DSC3: variants seen among roughly 807,000 people sequenced by gnomAD.
The protein encoded by DSC3 is desmocollin-3.
Under a neutral mutation model 89.5 loss-of-function variants are expected in DSC3, and 97 were observed. The ratio of observed to expected loss-of-function variants is 1.08; its 90% CI spans 0.92 to 1.28. The LOEUF (loss-of-function observed/expected upper bound fraction) is 1.28. Among genes scored for constraint, DSC3 ranks in the 50% most tolerant of loss-of-function variants. DSC3 has a pLI of 0.00. For missense variants in DSC3, 1,199 were observed against 1,085.3 expected (o/e 1.10, Z -1.47); for synonymous variants, 436 against 384.1 (o/e 1.14, Z -1.58).
At position 31,029,557 on chromosome 18, in the gene DSC3, G is replaced by A. The variant is rs1985711977; in HGVS notation, c.426C>T (p.Cys142=). The A allele has an allele frequency of 6.2e-7, 1 of 1,613,896 alleles. No individual in the cohort carries two copies. ...RAKRRWAPIP[C]SMQENSLGPF... ...GGCCCAAGGAATTCTCTTGCATAGA[G>A]CAAGGAATAGGTGCCCATCTCCTCT... is the stretch of plus-strand genomic sequence containing the variant. Residue 142 remains cysteine, a synonymous_variant, in exon 4 of 16, where the codon TGC becomes TGT. Transcript: ENST00000360428.
At position 30,996,884 on chromosome 18, in the gene DSC3, G is replaced by T. The variant is rs776031684; in HGVS notation, c.2400C>A (p.Thr800=). 1 of 1,613,764 alleles carries T rather than the reference G, an allele frequency of 6.2e-7. No homozygotes were observed. The highest frequency in any genetic ancestry group is 1.1e-5 in the South Asian group (1 of 91,042). ...TGTGTCCTCCCCTGCAGGAGTCCAGGGTATGATGATGCCCAGCCCCCCGGC... is the reference window on the plus strand; with the variant it reads ...TGTGTCCTCCCCTGCAGGAGTCCAGTGTATGATGATGCCCAGCCCCCCGGC... ...ESCRGAGHHH[T]LDSCRGGHTE... Residue 800 remains threonine (T), a synonymous_variant, in exon 15 of 16, where the codon ACC becomes ACA. Transcript: ENST00000360428.
In DSC3 at chr18:30,991,467, C is replaced by T. The variant is rs1048727407; in HGVS notation, c.*2708G>A. 1 of 152,240 alleles carries T rather than the reference C, an allele frequency of 6.6e-6. No homozygotes were observed. Among genetic ancestry groups the T allele is most frequent in the South Asian group, 2.1e-4 (1 of 4,830 alleles). 9.4% of individuals were successfully genotyped at this position (152,240 alleles called of 1,614,324 possible). A position where few individuals can be genotyped will look rare whatever the true frequency, so the allele number is the denominator to read the frequency against. On this transcript the variant is annotated 3_prime_UTR_variant, in exon 16 of 16. Coordinates refer to ENST00000360428, the MANE Select transcript of DSC3 (RefSeq NM_001941.5). ...ATTTGAGAGAAAAGAATTACAAATT[C>T]GGGCATACATGCAGACCAGGTGGTT...
At chr18:31,005,183 T>C (rs1429843138) in intron 12 of DSC3, among the ~76,000 whole-genome samples, 1 of 152,176 alleles carries the variant, frequency 6.6e-6, no homozygotes, top group Non-Finnish European at 1.5e-5. Context: ...ACCTGAAGGC[T>C]CCCTAGAGGA....
Position 31,032,200 on chromosome 18 carries a change from A to AGGG in DSC3, c.145_146insCCC (p.Ile49delinsThrLeu), listed in dbSNP as rs1985812681. 6.2e-7 allele frequency: 1 copy of AGGG among 1,612,338 alleles called. No homozygotes were observed. The highest frequency in any genetic ancestry group is 1.3e-5 in the African/African-American group (1 of 74,896). On this transcript the variant is annotated protein_altering_variant, in exon 2 of 16. Coordinates refer to ENST00000360428, the MANE Select transcript of DSC3 (RefSeq NM_001941.5). Reference sequence around the variant, plus strand: ...CTTTTAAAATTTCTCACCTCTGCCAATTATTTTGTCTGCCTCTAGTTTAGA... The same window carrying AGGG: ...CTTTTAAAATTTCTCACCTCTGCCAAGGGTTATTTTGTCTGCCTCTAGTTTAGA...
intron 13 of DSC3, among the ~76,000 whole-genome samples, chr18:31,002,309 C>A (rs1487859382): frequency 1.3e-5 from 2 of 152,118 alleles, no homozygotes; most frequent in African/African-American, 2.4e-5. Flanking sequence ...TTGGCAAAAT[C>A]CCCAAACCCA....
At chr18:31,035,361 T>G (rs1985936750) in intron 1 of DSC3, among the ~76,000 whole-genome samples, 1 of 152,042 alleles carries the variant, frequency 6.6e-6, no homozygotes. Flanking sequence ...CAATGCTGTT[T>G]AATTTAGATA....
chr18:31,031,536 A>G (rs922623195), intron 2 of DSC3, among the ~76,000 whole-genome samples: 6 of 152,196 alleles, frequency 3.9e-5, no homozygotes, highest in Admixed American at 6.5e-5. Context: ...TTCCCTAACA[A>G]TACAATCTGA....
intron 1 of DSC3, among the ~76,000 whole-genome samples, chr18:31,041,875 C>G (rs908549854): frequency 6.6e-6 from 1 of 152,048 alleles, no homozygotes; most frequent in South Asian, 2.1e-4. Context: ...CATCCCCCAC[C>G]ACTGTCACCC....
chr18:31,033,779 C>T (rs975892090), intron 1 of DSC3, among the ~76,000 whole-genome samples: 2 of 152,160 alleles, frequency 1.3e-5, no homozygotes, highest in Non-Finnish European at 2.9e-5. Context: ...ACAAAAATGC[C>T]ACTTTCTTTA....
Position 31,022,358 on chromosome 18 carries a change from A to G in DSC3, c.920T>C (p.Val307Ala), listed in dbSNP as rs890519916. 3 of 1,613,896 alleles carry G rather than the reference A, an allele frequency of 1.9e-6. No individual in the cohort carries two copies. The Admixed American group carries it at 5.0e-5, about 27-fold the overall frequency. The change falls in exon 7 of 16, where the codon GTC becomes GCC. Residue 307 changes from valine to alanine, a missense_variant. Transcript: ENST00000360428. Reference protein sequence around the residue: ...VHPSTGVITTVSHYLDREVVD... With the variant: ...VHPSTGVITTASHYLDREVVD... ...TACCTCTCTGTCCAAATAATGAGAG[A>G]CTGTGGTGATTACGCCTGTGCTGGG... is the stretch of plus-strand genomic sequence containing the variant.
chr18:31,018,090 C>T lies in DSC3; in HGVS notation c.1244G>A (p.Gly415Asp), dbSNP rs761097440. ...KISTDKETNE[G>D]VLSVVKPLNY... ...CTGTACCTTTACAACAGAAAGAACA[C>T]CTTCATTAGTTTCTTTGTCTGTGCT... Residue 415 changes from glycine to aspartate, a missense_variant, in exon 9 of 16, where the codon GGT (glycine) becomes GAT (aspartate). Gly to Asp is a moderately conservative substitution (Grantham distance 94). Transcript: ENST00000360428. The T allele has an allele frequency of 6.2e-7, 1 of 1,612,310 alleles. No individual in the cohort carries two copies. Among genetic ancestry groups the T allele is most frequent in the South Asian group, 1.1e-5 (1 of 90,826 alleles).
intron 1 of DSC3, among the ~76,000 whole-genome samples, chr18:31,042,026 G>A (rs2144749096): frequency 6.6e-6 from 1 of 152,162 alleles, no homozygotes; most frequent in Non-Finnish European, 1.5e-5. Context: ...GACCGCTTGG[G>A]TGAGCTTCTG....
chr18:31,023,005 T>G (rs980153838), intron 6 of DSC3, among the ~76,000 whole-genome samples: 2 of 152,144 alleles, frequency 1.3e-5, no homozygotes, highest in African/African-American at 4.8e-5. Flanking sequence ...TTGATTTGTT[T>G]TAATAAACCG....
At chr18:31,026,893 C>T (rs1480570427) in intron 4 of DSC3, among the ~76,000 whole-genome samples, 1 of 152,092 alleles carries the variant, frequency 6.6e-6, no homozygotes, top group Non-Finnish European at 1.5e-5. Context: ...CCCTGTTGGA[C>T]ACAGAGGTGA....
intron 1 of DSC3, among the ~76,000 whole-genome samples, chr18:31,041,469 AC>A (rs1226033397): frequency 6.6e-6 from 1 of 152,134 alleles, no homozygotes; most frequent in African/African-American, 2.4e-5. Context: ...AGGGAGGACA[AC>A]CCTTGGACCC....
At chr18:31,006,043 G>C (rs1984827451) in intron 12 of DSC3, among the ~76,000 whole-genome samples, 1 of 152,144 alleles carries the variant, frequency 6.6e-6, no homozygotes, top group Non-Finnish European at 1.5e-5. Context: ...AAGCCCAGTT[G>C]CATGAAAGAA....
rs958013506 is a variant in DSC3, at chr18:31,007,022, A to G, written c.1773T>C (p.Tyr591=). 1 of 1,613,464 alleles carries G rather than the reference A, an allele frequency of 6.2e-7. No individual in the cohort carries two copies. The highest frequency in any genetic ancestry group is 1.3e-5 in the African/African-American group (1 of 74,906). Residue 591 remains tyrosine (Y), a synonymous_variant, in exon 12 of 16, where the codon TAT becomes TAC. Coordinates refer to ENST00000360428, the MANE Select transcript of DSC3 (RefSeq NM_001941.5). ...YVVICKPKMG[Y]TDILAVDPDE... Reference sequence around the variant, plus strand: ...CAGGATCAACAGCTAAAATGTCGGTATACCCCATTTTTGGTTTGCAAATGA... The same window carrying G: ...CAGGATCAACAGCTAAAATGTCGGTGTACCCCATTTTTGGTTTGCAAATGA...
chr18:31,007,092 T>G lies in DSC3; in HGVS notation c.1703A>C (p.Glu568Ala). The change falls in exon 12 of 16, where the codon GAA becomes GCA. Residue 568 changes from glutamate to alanine, a missense_variant. Coordinates refer to ENST00000360428, the MANE Select transcript of DSC3 (RefSeq NM_001941.5). ...TTCTGGTGGATTATCATTTACATCT[T>G]CAATGTTCACAGCAAGTGTTCCAGT... ...SCTGTLAVNI[E>A]DVNDNPPEIL... The G allele has an allele frequency of 2.5e-6, 4 of 1,613,898 alleles. No individual in the cohort carries two copies. Among genetic ancestry groups the G allele is most frequent in the Non-Finnish European group, 3.4e-6 (4 of 1,179,882 alleles).
chr18:31,011,158 T>C (rs1019435180), intron 9 of DSC3, among the ~76,000 whole-genome samples: 1 of 152,190 alleles, frequency 6.6e-6, no homozygotes, highest in African/African-American at 2.4e-5. Flanking sequence ...ACATCCTAGC[T>C]GTGTGGCATT....
Sources: allele counts gnomAD v4.1 joint callset (sites outside exome capture counted in the v4.1 genomes callset), GRCh38; gene constraint gnomAD v4.1.1; transcripts MANE v1.5; gene names NCBI Gene and HGNC (gene_info 2026-07-23, HGNC 2026-07-21).